The following CHD2 variants were observed in gnomAD, a reference collection of about 807,000 sequenced individuals.
CHD2 encodes the protein ATP-dependent chromatin remodeler CHD2.
Under a neutral mutation model 243.9 loss-of-function variants are expected in CHD2, and 28 were observed. The observed-to-expected ratio is 0.11, with a 90% CI of 0.09 to 0.16. The LOEUF is 0.16. Ranked by LOEUF, CHD2 falls within the 10% of genes least tolerant of loss-of-function variation. The pLI is 1.00. For missense variants in CHD2, 1,386 were observed against 2,209.8 expected (o/e 0.63, Z 7.47); for synonymous variants, 775 against 779.0 (o/e 0.99, Z 0.09).
intron 2 of CHD2, among the ~76,000 whole-genome samples, chr15:92,919,518 G>T (rs998865473): frequency 6.6e-6 from 1 of 151,732 alleles, no homozygotes; most frequent in Admixed American, 6.6e-5. Flanking sequence ...TCAGCCTCCC[G>T]AGTAGCTGGG....
rs192372570 is a variant in CHD2 at position 92,997,652 on chromosome 15, T to C, written c.3885+249T>C. 9.8e-6 allele frequency: 3 copies of C among 305,636 alleles called. No individual in the cohort carries two copies. Among genetic ancestry groups the C allele is most frequent in the Admixed American group, 4.6e-5 (1 of 21,638 alleles). 18.9% of individuals were successfully genotyped at this position (305,636 alleles called of 1,614,324 possible). A position where few individuals can be genotyped will look rare whatever the true frequency, so the allele number is the denominator to read the frequency against. On this transcript the variant is annotated intron_variant, in intron 30 of 38. Coordinates refer to ENST00000394196, the MANE Select transcript of CHD2 (RefSeq NM_001271.4). The surrounding 1 kb of genome is among the most constrained non-coding windows in gnomAD (Gnocchi z 4.1). ...ATCTTAAAATTCTGGTATTTAATTA[T>C]AGGTCAGATTTCATTACAATAAATA...
At chr15:92,918,283 G>A (rs1467495301) in intron 2 of CHD2, among the ~76,000 whole-genome samples, 1 of 152,346 alleles carries the variant, frequency 6.6e-6, no homozygotes, top group East Asian at 1.9e-4. Flanking sequence ...GCAAAAGGAA[G>A]TGGTAAACCT....
Position 92,927,374 on chromosome 15 carries a change from C to T in CHD2, c.381+44C>T, listed in dbSNP as rs751652833. On this transcript the variant is annotated intron_variant, in intron 4 of 38. Transcript: ENST00000394196. ...AAGGGCATGCATTTAAACTCCCTAT[C>T]TTACTTCATTCTTTCTGACTCTGGT... 9.5e-5 allele frequency: 131 copies of T among 1,373,218 alleles called. 3 individuals carry two copies. In the South Asian group the frequency reaches 1.5e-3, roughly 16 times the overall value. The allele number at this position is 1,373,218 out of a possible 1,614,324, so 85.1% of individuals were successfully genotyped here. A position where few individuals can be genotyped will look rare whatever the true frequency, so the allele number is the denominator to read the frequency against.
chr15:92,900,976 G>A (rs2052520926), intron 1 of CHD2, among the ~76,000 whole-genome samples, 152 bp downstream of exon 1: 1 of 150,130 alleles, frequency 6.7e-6, no homozygotes, highest in Non-Finnish European at 1.5e-5. Context: ...TTTCCTTATT[G>A]ATAGTGATGC....
intron 32 of CHD2, among the ~76,000 whole-genome samples, chr15:93,001,628 T>C (rs2054257782): frequency 6.6e-6 from 1 of 152,156 alleles, no homozygotes. Flanking sequence ...GTGATTCTCC[T>C]GCCGCAGCCT....
intron 21 of CHD2, 110 bp downstream of exon 21, chr15:92,978,493 C>G: frequency 9.2e-7 from 1 of 1,091,966 alleles, no homozygotes; most frequent in Non-Finnish European, 1.3e-6. Context: ...GCTTTTATTT[C>G]CCCTGAAGCA....
At chr15:92,949,323 A>G (rs945303331) in intron 13 of CHD2, 12 of 1,000,462 alleles carry the variant, frequency 1.2e-5, no homozygotes, top group Non-Finnish European at 1.6e-5. Flanking sequence ...GTAATTTGTC[A>G]TAGCCAGAAA....
At chr15:92,919,392 A>G (rs1219945690) in intron 2 of CHD2, among the ~76,000 whole-genome samples, 2 of 150,964 alleles carry the variant, frequency 1.3e-5, no homozygotes, top group Non-Finnish European at 3.0e-5. Context: ...AACAATTTAA[A>G]AACACTTTTT....
At chr15:92,908,357 G>A (rs1444252304) in intron 2 of CHD2, among the ~76,000 whole-genome samples, 2 of 152,120 alleles carry the variant, frequency 1.3e-5, no homozygotes, top group Non-Finnish European at 2.9e-5. Context: ...GCATAATGCC[G>A]AACATGCAAG....
chr15:92,967,579 G>GAC lies in CHD2; in HGVS notation c.2189+67_2189+68insCA. On this transcript the variant is annotated intron_variant, in intron 17 of 38. Transcript: ENST00000394196. Reference sequence around the variant, plus strand: ...AGTACCATGAAACTATTAGATAGGAGATATATATATATACTTTTGTTTTTT... The same window carrying GAC: ...AGTACCATGAAACTATTAGATAGGAGACATATATATATATACTTTTGTTTTTT... 3 of 1,047,954 alleles carry GAC rather than the reference G, an allele frequency of 2.9e-6. No homozygotes were observed. The East Asian group carries it at 8.0e-5, about 28-fold the overall frequency. The allele number at this position is 1,047,954 out of a possible 1,614,324, so 64.9% of individuals were successfully genotyped here.
chr15:92,927,186 T>G, intron 3 of CHD2, 58 bp from the exon 4 acceptor site: 1 of 1,226,740 alleles, frequency 8.2e-7, no homozygotes, highest in Non-Finnish European at 1.2e-6. Flanking sequence ...AATAAACGTT[T>G]GATAATAATA....
At chr15:93,021,998 T>TG (rs1445577458) in intron 38 of CHD2, 1 of 152,238 alleles carries the variant, frequency 6.6e-6, no homozygotes, top group Middle Eastern at 3.2e-3. Flanking sequence ...TTTCAGGTCT[T>TG]GCTGTTAAGA....
At chr15:92,974,709 T>A in intron 19 of CHD2, 170 bp from the exon 20 acceptor site, 1 of 538,192 alleles carries the variant, frequency 1.9e-6, no homozygotes, top group East Asian at 3.3e-5. Flanking sequence ...TCAGGTCGAG[T>A]AGGGTAGGGT....
chr15:92,949,958 T>C (rs2053530372), intron 13 of CHD2, among the ~76,000 whole-genome samples: 1 of 152,226 alleles, frequency 6.6e-6, no homozygotes, highest in African/African-American at 2.4e-5. Flanking sequence ...CAATCTAGAC[T>C]GATTCCGATT....
At chr15:92,936,221 C>T (rs2053264865) in intron 5 of CHD2, among the ~76,000 whole-genome samples, 1 of 152,188 alleles carries the variant, frequency 6.6e-6, no homozygotes, top group African/African-American at 2.4e-5. Flanking sequence ...CATCAGCCAC[C>T]TCCTTTCAAT....
rs1282708759 is a variant in CHD2 at position 93,001,534 on chromosome 15, TG to T, written c.4138-642del. On this transcript the variant is annotated intron_variant, in intron 32 of 38. Transcript: ENST00000394196. The stretch of plus-strand genomic sequence containing the variant: ...TATTTATTTATTATGAGTTGCTTTT[TG>T]AGATGGAGTCTTGCTTTGTCACCCA... Among the ~76,000 whole-genome samples, 14 of 152,310 alleles carry T rather than the reference TG, an allele frequency of 9.2e-5. No individual in the cohort carries two copies. The East Asian group carries it at 2.5e-3, about 27-fold the overall frequency.
intron 32 of CHD2, among the ~76,000 whole-genome samples, chr15:93,001,931 AC>A (rs1451340208): frequency 6.6e-6 from 1 of 152,238 alleles, no homozygotes; most frequent in Non-Finnish European, 1.5e-5. Flanking sequence ...TAATAAACTT[AC>A]GTTGAAGGGT....
At chr15:92,948,088 A>C (rs556661646) in intron 12 of CHD2, among the ~76,000 whole-genome samples, 32 of 152,180 alleles carry the variant, frequency 2.1e-4, no homozygotes, top group Non-Finnish European at 4.1e-4. Context: ...CAGAATCCAC[A>C]TTTTATGCAA....
intron 38 of CHD2, among the ~76,000 whole-genome samples, chr15:93,022,547 A>T (rs2054546202): frequency 6.6e-6 from 1 of 152,202 alleles, no homozygotes; most frequent in Non-Finnish European, 1.5e-5. Context: ...AGCACAGGGC[A>T]CTGTTACCTT....
Sources: gnomAD v4.1 joint callset for allele counts (sites outside exome capture counted in the v4.1 genomes callset) on GRCh38, gnomAD v4.1.1 for gene constraint, Gnocchi (gnomAD v3.1) non-coding constraint, MANE v1.5 for transcripts, NCBI Gene and HGNC (gene_info 2026-07-23, HGNC 2026-07-21) for gene names.